The following C11orf16 variants were observed in gnomAD, a reference collection of about 807,000 sequenced individuals.
C11orf16 encodes chromosome 11 open reading frame 16, also known as uncharacterized protein C11orf16.
Under a neutral mutation model 45.1 loss-of-function variants are expected in C11orf16, and 38 were observed. The observed-to-expected ratio is 0.84, with a 90% CI of 0.65 to 1.10. The LOEUF is 1.10. Among genes scored for constraint, C11orf16 ranks in the 50% least tolerant of loss-of-function variants. The pLI is 0.00. For missense variants in C11orf16, 583 were observed against 569.5 expected (o/e 1.02, Z -0.24); for synonymous variants, 221 against 222.0 (o/e 1.00, Z 0.04).
In C11orf16 at chr11:8,926,185, C is replaced by CTTTTTTTTTTTTTTT. The variant is rs59858402; in HGVS notation, c.560-93_560-79dup. ...TTTTTCTTTTTTCTTTTTTTCTTTT[C>CTTTTTTTTTTTTTTT]TTTTTTTTTTTTTTTTTTTGAGACA... On this transcript the variant is annotated intron_variant, in intron 4 of 6. Transcript: ENST00000326053. 368 of 888,932 alleles carry CTTTTTTTTTTTTTTT rather than the reference C, an allele frequency of 4.1e-4. 5 individuals are homozygous for CTTTTTTTTTTTTTTT. Among genetic ancestry groups the CTTTTTTTTTTTTTTT allele is most frequent in the Admixed American group, 6.8e-4 (18 of 26,446 alleles). 55.1% of individuals were successfully genotyped at this position (888,932 alleles called of 1,614,324 possible).
At chr11:8,929,632 A>G (rs780830710) in intron 2 of C11orf16, 99 bp from the exon 3 acceptor site, 2 of 1,130,520 alleles carry the variant, frequency 1.8e-6, no homozygotes, top group Non-Finnish European at 2.4e-6. Context: ...ACCACAGCAC[A>G]TGAGGCATGC....
rs1475101291 is a variant in C11orf16, at chr11:8,920,383, C to T, written c.*90G>A. 1.7e-5 allele frequency: 11 copies of T among 649,296 alleles called. No homozygotes were observed. Among genetic ancestry groups the T allele is most frequent in the African/African-American group, 3.7e-5 (2 of 54,188 alleles). 40.2% of individuals were successfully genotyped at this position (649,296 alleles called of 1,614,324 possible). On this transcript the variant is annotated 3_prime_UTR_variant, in exon 7 of 7. Transcript: ENST00000326053. ...CTGTGGCCTGTCCTCTGCCTCCTTC[C>T]GTTGAAGAAGGCCTTGTCAGCCACT...
In C11orf16 at chr11:8,926,944, C is replaced by G. The variant is rs753584350; in HGVS notation, c.555G>C (p.Gln185His). ...GGTCAGAGCAGCTTCTCTTACCTCT[C>G]TGGGGATCTCTCATCTCCAAGCCCA... is the stretch of plus-strand genomic sequence containing the variant. ...VLLGLEMRDP[Q>H]RASKEKEITV... Residue 185 changes from glutamine to histidine, a missense_variant, in exon 4 of 7, where the codon CAG becomes CAC. Coordinates refer to ENST00000326053, the MANE Select transcript of C11orf16 (RefSeq NM_020643.3). 6.8e-6 allele frequency: 11 copies of G among 1,612,968 alleles called. No individual in the cohort carries two copies. The highest frequency in any genetic ancestry group is 1.7e-5 in the Admixed American group (1 of 59,994).
intron 3 of C11orf16, chr11:8,927,576 C>A (rs1416860394): frequency 2.2e-6 from 1 of 458,110 alleles, no homozygotes; most frequent in African/African-American, 2.0e-5. Context: ...GCTCCTGTGT[C>A]CAAGACCAAC....
chr11:8,925,916 C>T lies in C11orf16; in HGVS notation c.751G>A (p.Gly251Arg). Residue 251 changes from glycine (G) to arginine (R), a missense_variant, in exon 5 of 7, where the codon GGG (glycine) becomes AGG (arginine). Coordinates refer to ENST00000326053, the MANE Select transcript of C11orf16 (RefSeq NM_020643.3). The part of the protein sequence containing the change: ...PCCSLLGPIT[G>R]RITNELPPDA... ...GGAGGAAGCTCATTAGTGATGCGCC[C>T]AGTGATTGGCCCTAGCAGAGAGCAG... 6.2e-7 allele frequency: 1 copy of T among 1,614,182 alleles called. No individual in the cohort carries two copies. Among genetic ancestry groups the T allele is most frequent in the Non-Finnish European group, 8.5e-7 (1 of 1,180,046 alleles).
At chr11:8,931,516 A>T (rs534172483) in intron 2 of C11orf16, among the ~76,000 whole-genome samples, 1 of 152,250 alleles carries the variant, frequency 6.6e-6, no homozygotes, top group Admixed American at 6.5e-5. Flanking sequence ...CATCCTCCTG[A>T]GTAGCTGGGA....
At chr11:8,927,271 G>A in intron 3 of C11orf16, 97 bp from the exon 4 acceptor site, 1 of 916,812 alleles carries the variant, frequency 1.1e-6, no homozygotes, top group Non-Finnish European at 1.7e-6. Flanking sequence ...CAGGCCCAGG[G>A]GCTGCCTTCC....
intron 2 of C11orf16, among the ~76,000 whole-genome samples, chr11:8,929,924 G>T (rs2064639343): frequency 1.3e-5 from 2 of 150,632 alleles, no homozygotes; most frequent in African/African-American, 2.4e-5. Context: ...TTCAAGACCA[G>T]CCTGGGCAAC....
chr11:8,925,322 T>C, intron 5 of C11orf16, 141 bp downstream of exon 5: 1 of 787,916 alleles, frequency 1.3e-6, no homozygotes, highest in Non-Finnish European at 2.0e-6. Flanking sequence ...AGCCTCCTCT[T>C]CAGCATGACC....
intron 3 of C11orf16, among the ~76,000 whole-genome samples, chr11:8,928,690 A>G (rs937504361): frequency 5.3e-5 from 8 of 152,044 alleles, no homozygotes; most frequent in African/African-American, 1.7e-4. Flanking sequence ...TTGTAGAGAC[A>G]GGGTCTCACT....
At chr11:8,926,864 G>T in intron 4 of C11orf16, 76 bp downstream of exon 4, 2 of 1,209,698 alleles carry the variant, frequency 1.7e-6, no homozygotes, top group Non-Finnish European at 1.2e-6. Context: ...TGTAGACGCA[G>T]CCTTGGCTCT....
chr11:8,931,167 C>G (rs1242059457), intron 2 of C11orf16, among the ~76,000 whole-genome samples: 1 of 152,082 alleles, frequency 6.6e-6, no homozygotes, highest in East Asian at 1.9e-4. Context: ...GACCTGGAGA[C>G]CCCACATTAG....
At chr11:8,924,961 T>TA (rs2064599821) in intron 5 of C11orf16, among the ~76,000 whole-genome samples, 1 of 152,152 alleles carries the variant, frequency 6.6e-6, no homozygotes, top group Non-Finnish European at 1.5e-5. Context: ...CCATGAGGGA[T>TA]AAGAAGCACA....
Position 8,921,431 on chromosome 11 carries a change from T to C in C11orf16, c.1289A>G (p.Glu430Gly), listed in dbSNP as rs1401384921. Residue 430 changes from glutamate (E) to glycine (G), a missense_variant, in exon 6 of 7, where the codon GAG (glutamate) becomes GGG (glycine). Glu to Gly is a moderately conservative substitution (Grantham distance 98, BLOSUM62 -2). Transcript: ENST00000326053. ...AQTAVVGTTK[E>G]LVSKATHMKP... ...CATGTGGGTTGCTTTCGAGACCAGC[T>C]CCTTGGTAGTCCCCACTACTGCAGT... The C allele has an allele frequency of 6.2e-7, 1 of 1,614,118 alleles. No individual in the cohort carries two copies. Among genetic ancestry groups the C allele is most frequent in the Non-Finnish European group, 8.5e-7 (1 of 1,180,044 alleles).
intron 3 of C11orf16, chr11:8,927,819 A>G (rs1260836189): frequency 3.2e-6 from 1 of 312,096 alleles, no homozygotes; most frequent in Non-Finnish European, 6.6e-6. Flanking sequence ...GTTATAAATT[A>G]TTTTTACCAA....
At position 8,929,415 on chromosome 11, in the gene C11orf16, C is replaced by CATCT; in HGVS notation, c.282_285dup (p.Gly96ArgfsTer64). The CATCT allele has an allele frequency of 1.2e-6, 2 of 1,614,092 alleles. No homozygotes were observed. The highest frequency in any genetic ancestry group is 1.7e-6 in the Non-Finnish European group (2 of 1,180,006). On this transcript the variant is annotated frameshift_variant, in exon 3 of 7. Coordinates refer to ENST00000326053, the MANE Select transcript of C11orf16 (RefSeq NM_020643.3). LOFTEE classifies it high-confidence loss of function. ...TTTATTTGGGCCCGGTAGTAAAAAC[C>CATCT]ATCTGCTTCCCTTCTTGCTAGGACC... is the stretch of plus-strand genomic sequence containing the variant.
intron 3 of C11orf16, chr11:8,927,720 A>C (rs2064624491): frequency 2.2e-6 from 1 of 454,250 alleles, no homozygotes; most frequent in South Asian, 1.6e-5. Flanking sequence ...TAAGCAAATG[A>C]ATAGCAAAAG....
At chr11:8,928,011 G>A (rs1347644559) in intron 3 of C11orf16, among the ~76,000 whole-genome samples, 6 of 152,106 alleles carry the variant, frequency 3.9e-5, no homozygotes, top group Admixed American at 2.0e-4. Context: ...GGGTTCAAGC[G>A]ATTCTCCTGT....
chr11:8,932,030 C>G, intron 2 of C11orf16, 112 bp downstream of exon 2: 1 of 1,213,236 alleles, frequency 8.2e-7, no homozygotes, highest in Non-Finnish European at 1.1e-6. Flanking sequence ...ATGACGACCC[C>G]TTTCCACCTT....
Sources: allele counts gnomAD v4.1 joint callset (sites outside exome capture counted in the v4.1 genomes callset), GRCh38; gene constraint gnomAD v4.1.1; transcripts MANE v1.5; gene names NCBI Gene and HGNC (gene_info 2026-07-23, HGNC 2026-07-21).